The following PCDH11X variants were observed in gnomAD, a reference collection of about 807,000 sequenced individuals.
PCDH11X encodes the protein protocadherin 11 X-linked, also known as protocadherin-11 X-linked.
Under a neutral mutation model 53.3 loss-of-function variants are expected in PCDH11X, and 18 were observed. The observed-to-expected ratio is 0.34, with a 90% CI of 0.23 to 0.50. The LOEUF (loss-of-function observed/expected upper bound fraction) is 0.50. Among genes scored for constraint, PCDH11X ranks in the 20% least tolerant of loss-of-function variants. The pLI is 0.98. For synonymous variants in PCDH11X, 279 were observed against 393.3 expected (o/e 0.71, Z 3.44); for missense variants, 570 against 1,032.4 (o/e 0.55, Z 6.14).
intron 6 of PCDH11X, among the ~76,000 whole-genome samples, chrX:92,178,828 T>C (rs1350786009): frequency 8.9e-6 from 1 of 111,888 alleles, no homozygotes; most frequent in African/African-American, 3.2e-5. Flanking sequence ...AGAATGATGG[T>C]TATACAGAAA....
intron 6 of PCDH11X, among the ~76,000 whole-genome samples, chrX:92,020,563 G>C (rs2525130): frequency 9.0e-6 from 1 of 111,112 alleles, no homozygotes; most frequent in Non-Finnish European, 1.9e-5. Context: ...GAGTTCCTAG[G>C]GGGAGGGGTG....
At position 92,111,216 on chromosome X, in the gene PCDH11X, C is replaced by T. The variant is rs1020788339; in HGVS notation, c.3034-90159C>T. ...TCTGAGCTGGATTTGAATCACCTAA[C>T]GCTAAAAAAAAAAAAAAAAAAAAAA... On this transcript the variant is annotated intron_variant, in intron 6 of 10. Transcript: ENST00000682573. 3.1e-4 allele frequency among the ~76,000 whole-genome samples: 10 copies of T among 31,764 alleles called. 1 individual carries two copies. In the South Asian group the frequency reaches 9.2e-3, roughly 29 times the overall value. 27.6% of individuals were successfully genotyped at this position (31,764 alleles called of 115,157 possible).
At chrX:92,279,394 T>C (rs2068195503) in intron 8 of PCDH11X, among the ~76,000 whole-genome samples, 1 of 112,250 alleles carries the variant, frequency 8.9e-6, no homozygotes, top group South Asian at 3.6e-4. Context: ...AAAATAAATG[T>C]GTAGTGGAGC....
At chrX:92,557,804 T>C (rs1421922453) in intron 10 of PCDH11X, among the ~76,000 whole-genome samples, 2 of 110,898 alleles carry the variant, frequency 1.8e-5, no homozygotes, top group East Asian at 2.8e-4. Context: ...ACTGTATTAG[T>C]TTATTCTCAC....
chrX:92,432,426 G>A (rs2072270466), intron 9 of PCDH11X, among the ~76,000 whole-genome samples: 1 of 110,173 alleles, frequency 9.1e-6, no homozygotes, highest in Non-Finnish European at 1.9e-5. Flanking sequence ...CAAGATATGA[G>A]TGACATCAAA....
At chrX:92,123,466 T>G (rs2064808132) in intron 6 of PCDH11X, among the ~76,000 whole-genome samples, 1 of 111,692 alleles carries the variant, frequency 9.0e-6, no homozygotes, top group East Asian at 2.8e-4. Flanking sequence ...CCTATGGTAT[T>G]AAATACCATT....
chrX:92,553,642 G>A (rs1325009578), intron 10 of PCDH11X, among the ~76,000 whole-genome samples: 1 of 109,471 alleles, frequency 9.1e-6, no homozygotes, highest in African/African-American at 3.3e-5. Flanking sequence ...AGTTCTTTAA[G>A]ACGCATCATT....
chrX:91,900,950 A>G (rs1407169186), intron 6 of PCDH11X, among the ~76,000 whole-genome samples: 1 of 111,378 alleles, frequency 9.0e-6, no homozygotes, highest in African/African-American at 3.3e-5. Flanking sequence ...AAAATTAGAA[A>G]GAGATGGAGA....
chrX:91,993,798 C>G (rs2147947174), intron 6 of PCDH11X, among the ~76,000 whole-genome samples: 1 of 111,586 alleles, frequency 9.0e-6, no homozygotes, highest in South Asian at 3.8e-4. Context: ...TTAGGGTCTT[C>G]TTCCCTTCTC....
intron 10 of PCDH11X, among the ~76,000 whole-genome samples, chrX:92,553,464 C>CT (rs1285374566): frequency 1.5e-4 from 17 of 110,260 alleles, no homozygotes; most frequent in African/African-American, 5.3e-4. Context: ...TGAATCTTCT[C>CT]TTTTTTTATT....
At chrX:92,230,443 TTTATATATAATTTATAAAATATATA>T (rs1320422009) in intron 7 of PCDH11X, among the ~76,000 whole-genome samples, 4 of 19,422 alleles carry the variant, frequency 2.1e-4, no homozygotes, top group Non-Finnish European at 5.6e-4. Context: ...ATATTATATA[TTTATATATAATTTATAAAATATATA>T]TTATATATAA....
chrX:92,387,934 G>T lies in PCDH11X; in HGVS notation c.3343+1G>T. The T allele has an allele frequency of 8.3e-7, 1 of 1,208,612 alleles. No homozygotes were observed. The highest frequency in any genetic ancestry group is 1.1e-6 in the Non-Finnish European group (1 of 893,503). ...GATGGCAACTCCGATCCTGAATCTA[G>T]TAAGTGATACCTCTCTGGTTCCTCA... On this transcript the variant is annotated splice_donor_variant, in intron 9 of 10. Coordinates refer to ENST00000682573, the MANE Select transcript of PCDH11X (RefSeq NM_032968.5). LOFTEE classifies it high-confidence loss of function.
intron 10 of PCDH11X, among the ~76,000 whole-genome samples, chrX:92,545,257 C>T (rs2148742451): frequency 9.1e-6 from 1 of 110,102 alleles, no homozygotes; most frequent in African/African-American, 3.3e-5. Context: ...ACCAGAGTGA[C>T]TTATAATTTA....
chrX:92,600,164 G>T (rs1460652749), intron 10 of PCDH11X, among the ~76,000 whole-genome samples: 1 of 104,571 alleles, frequency 9.6e-6, no homozygotes, highest in East Asian at 2.9e-4. Flanking sequence ...TAATAGAAAA[G>T]AAAAACCCAT....
chrX:91,854,827 T>A (rs1450502387), intron 5 of PCDH11X, among the ~76,000 whole-genome samples: 1 of 111,994 alleles, frequency 8.9e-6, no homozygotes, highest in Admixed American at 9.5e-5. Flanking sequence ...CTTTTGCCCA[T>A]TTTTTATTAC....
chrX:92,243,691 T>C (rs2067301919), intron 7 of PCDH11X, among the ~76,000 whole-genome samples: 2 of 111,683 alleles, frequency 1.8e-5, no homozygotes, highest in Non-Finnish European at 3.8e-5. Context: ...AACAGTAAGT[T>C]TGACCTTCAT....
intron 6 of PCDH11X, among the ~76,000 whole-genome samples, chrX:91,950,323 C>T (rs965005552): frequency 3.8e-5 from 4 of 106,332 alleles, no homozygotes; most frequent in African/African-American, 1.4e-4. Flanking sequence ...TCTTCTGAGT[C>T]TCCTATGTCT....
At chrX:92,080,391 G>C (rs953709550) in intron 6 of PCDH11X, among the ~76,000 whole-genome samples, 1 of 110,991 alleles carries the variant, frequency 9.0e-6, no homozygotes, top group Non-Finnish European at 1.9e-5. Context: ...TGTTGCTGTT[G>C]TTGATGTTGT....
At chrX:91,837,644 T>A (rs1275701264) in intron 5 of PCDH11X, among the ~76,000 whole-genome samples, 1 of 111,767 alleles carries the variant, frequency 8.9e-6, no homozygotes, top group East Asian at 2.8e-4. Flanking sequence ...GGAGTAGACA[T>A]ACCTGCATAG....
Sources: gnomAD v4.1 joint callset for allele counts (sites outside exome capture counted in the v4.1 genomes callset) on GRCh38, gnomAD v4.1.1 for gene constraint, MANE v1.5 for transcripts, NCBI Gene and HGNC (gene_info 2026-07-23, HGNC 2026-07-21) for gene names.